The following LRP1B variants were observed in gnomAD, a reference collection of about 807,000 sequenced individuals.
The protein encoded by LRP1B is low-density lipoprotein receptor-related protein 1B.
Under a neutral mutation model 556.6 loss-of-function variants are expected in LRP1B, and 217 were observed. The ratio of observed to expected loss-of-function variants is 0.39; its 90% confidence interval spans 0.35 to 0.44. The LOEUF (loss-of-function observed/expected upper bound fraction) is 0.44. Ranked by LOEUF, LRP1B falls within the 20% of genes least tolerant of loss-of-function variation. LRP1B has a pLI of 1.00. For missense variants in LRP1B, 5,053 were observed against 5,620.8 expected, an observed-to-expected ratio of 0.90 and a Z score of 3.23; for synonymous variants, 2,047 against 1,865.8, an observed-to-expected ratio of 1.10 and a Z score of -2.50.
intron 17 of LRP1B, among the ~76,000 whole-genome samples, chr2:140,982,688 A>G (rs903388371): frequency 6.6e-6 from 1 of 152,192 alleles, no homozygotes; most frequent in African/African-American, 2.4e-5. Context: ...GTAGTATTGT[A>G]GAAGGCATTA....
At chr2:140,337,182 C>T (rs750265034) in intron 77 of LRP1B, among the ~76,000 whole-genome samples, 4 of 151,836 alleles carry the variant, frequency 2.6e-5, no homozygotes, top group East Asian at 3.9e-4. Context: ...AAGGAAAATA[C>T]GGCTTACATT....
chr2:140,541,355 G>A (rs1323568049), intron 44 of LRP1B, among the ~76,000 whole-genome samples: 1 of 152,064 alleles, frequency 6.6e-6, no homozygotes, highest in African/African-American at 2.4e-5. Context: ...CCACATTGAT[G>A]CTTCAAACTG....
At chr2:140,615,575 C>T (rs560991959) in intron 41 of LRP1B, among the ~76,000 whole-genome samples, 21 of 152,214 alleles carry the variant, frequency 1.4e-4, no homozygotes, top group African/African-American at 4.8e-4. Context: ...GGAGCATGTT[C>T]TTTCATCTAG....
intron 7 of LRP1B, among the ~76,000 whole-genome samples, chr2:141,115,625 T>TTG (rs70991139): frequency 0.01 from 944 of 91,546 alleles, 3 homozygotes; most frequent in South Asian, 0.012. Context: ...CCCGGCTAAT[T>TTG]TGTGTGTGTG....
rs577366809 is a variant in LRP1B at position 140,490,640 on chromosome 2, G to C, written c.9120+1968C>G. Among the ~76,000 whole-genome samples the C allele has an allele frequency of 1.1e-4, 16 of 152,224 alleles. No homozygotes were observed. In the South Asian group the frequency reaches 1.2e-3, roughly 12 times the overall value. ...TATGTGGACAGACTCTCTGGACAAA[G>C]ATAATGGTTTCTACTGCCTAGAACT... On this transcript the variant is annotated intron_variant, in intron 57 of 90. Coordinates refer to ENST00000389484, the MANE Select transcript of LRP1B (RefSeq NM_018557.3).
intron 2 of LRP1B, among the ~76,000 whole-genome samples, chr2:141,796,985 C>A (rs1695835166): frequency 6.6e-6 from 1 of 150,684 alleles, no homozygotes; most frequent in Non-Finnish European, 1.5e-5. Flanking sequence ...GTAGACTGTC[C>A]GTGTCTCGAG....
intron 3 of LRP1B, among the ~76,000 whole-genome samples, chr2:141,262,498 C>G (rs557192218): frequency 1.2e-4 from 18 of 152,062 alleles, no homozygotes; most frequent in Non-Finnish European, 2.5e-4. Context: ...TTCGGGAGTT[C>G]TAAGAAATCC....
At chr2:141,970,808 A>C (rs897846166) in intron 1 of LRP1B, among the ~76,000 whole-genome samples, 8 of 151,560 alleles carry the variant, frequency 5.3e-5, no homozygotes, top group African/African-American at 1.7e-4. Flanking sequence ...GAAAAAGTGA[A>C]GTTAAATCAG....
intron 35 of LRP1B, among the ~76,000 whole-genome samples, chr2:140,752,798 C>T (rs1019600910): frequency 1.3e-5 from 2 of 152,030 alleles, no homozygotes; most frequent in Non-Finnish European, 2.9e-5. Context: ...CCCTTGCTTC[C>T]ACATATGCAC....
chr2:141,716,455 T>C (rs190952713), intron 2 of LRP1B, among the ~76,000 whole-genome samples: 58 of 152,256 alleles, frequency 3.8e-4, no homozygotes, highest in Non-Finnish European at 5.9e-5. Flanking sequence ...GGAATGACTC[T>C]TTTTTTAGTG....
chr2:140,435,488 C>T (rs1207163184), intron 66 of LRP1B, among the ~76,000 whole-genome samples: 2 of 152,024 alleles, frequency 1.3e-5, no homozygotes, highest in African/African-American at 4.8e-5. Flanking sequence ...ACAGCATTTC[C>T]CTTCTTTTCA....
intron 5 of LRP1B, among the ~76,000 whole-genome samples, chr2:141,238,067 C>T (rs1683724678): frequency 1.3e-5 from 2 of 151,918 alleles, no homozygotes; most frequent in African/African-American, 4.8e-5. Context: ...TAATTGATAA[C>T]CATTGAAGAT....
intron 66 of LRP1B, among the ~76,000 whole-genome samples, chr2:140,432,760 G>A (rs1434721181): frequency 6.6e-6 from 1 of 152,188 alleles, no homozygotes; most frequent in Non-Finnish European, 1.5e-5. Context: ...ATTTGTATAA[G>A]CTATCTAACA....
rs5834887 is a variant in LRP1B, at chr2:141,987,549, G to GTTT, written c.82+143096_82+143098dup. On this transcript the variant is annotated intron_variant, in intron 1 of 90. Coordinates refer to ENST00000389484, the MANE Select transcript of LRP1B (RefSeq NM_018557.3). ...ACCGGTTGGGATGCTGATTTAAGCT[G>GTTT]TTTTTTTTTTTTTTCTTTCTTTTTT... Among the ~76,000 whole-genome samples the GTTT allele has an allele frequency of 6.0e-3, 836 of 139,924 alleles. 4 individuals carry two copies. Among genetic ancestry groups the GTTT allele is most frequent in the African/African-American group, 0.016 (613 of 38,076 alleles). 91.8% of individuals were successfully genotyped at this position (139,924 alleles called of 152,430 possible).
intron 1 of LRP1B, among the ~76,000 whole-genome samples, chr2:142,016,408 G>A (rs998108373): frequency 6.6e-6 from 1 of 152,078 alleles, no homozygotes; most frequent in African/African-American, 2.4e-5. Flanking sequence ...ATTCACAATA[G>A]CAAAGACTTG....
Position 140,373,144 on chromosome 2 carries a change from A to G in LRP1B, c.10639-7T>C. 1 of 1,611,986 alleles carries G rather than the reference A, an allele frequency of 6.2e-7. No individual in the cohort carries two copies. Among genetic ancestry groups the G allele is most frequent in the Admixed American group, 1.7e-5 (1 of 59,874 alleles). On this transcript the variant is annotated splice_polypyrimidine_tract_variant and splice_region_variant and intron_variant, in intron 68 of 90. Transcript: ENST00000389484. ...AACTTGTCTCACAATTTCTCTATGA[A>G]AAACAACAGAGATATAATCAAAATT... is the stretch of plus-strand genomic sequence containing the variant.
rs751763421 is a variant in LRP1B at position 140,702,217 on chromosome 2, C to T, written c.6226G>A (p.Glu2076Lys). The change falls in exon 39 of 91, where the codon GAG (glutamate) becomes AAG (lysine). Residue 2076 changes from glutamate to lysine, a missense_variant. Coordinates refer to ENST00000389484, the MANE Select transcript of LRP1B (RefSeq NM_018557.3). ...RIDLETGGNR[E>K]MVLSGSNVDM... ...ACATTGCTTCCTGACAGCACCATCT[C>T]GCGATTCCCTCCAGTCTCAAGGTCG... The T allele has an allele frequency of 2.0e-5, 32 of 1,613,644 alleles. No homozygotes were observed. Among genetic ancestry groups the T allele is most frequent in the Admixed American group, 5.0e-5 (3 of 59,910 alleles).
intron 84 of LRP1B, among the ~76,000 whole-genome samples, chr2:140,296,313 T>C (rs151323255): frequency 1.4e-4 from 21 of 152,280 alleles, no homozygotes; most frequent in African/African-American, 4.6e-4. Context: ...AGATACCTCA[T>C]TATACAGATG....
chr2:141,160,172 T>A (rs141291933), intron 7 of LRP1B, among the ~76,000 whole-genome samples: 1 of 152,124 alleles, frequency 6.6e-6, no homozygotes, highest in Non-Finnish European at 1.5e-5. Flanking sequence ...AGGTTTAACA[T>A]TGTTAGCCAT....
Sources: allele counts gnomAD v4.1 joint callset (sites outside exome capture counted in the v4.1 genomes callset), GRCh38; gene constraint gnomAD v4.1.1; transcripts MANE v1.5; gene names NCBI Gene and HGNC (gene_info 2026-07-23, HGNC 2026-07-21).